Variants in TTC3 observed in about 807,000 individuals in gnomAD.
TTC3 encodes tetratricopeptide repeat domain 3.
Under a neutral mutation model 249.6 loss-of-function variants are expected in TTC3, and 180 were observed. The ratio of observed to expected loss-of-function variants is 0.72; its 90% CI spans 0.64 to 0.82. The LOEUF (loss-of-function observed/expected upper bound fraction) is 0.82. Ranked by LOEUF, TTC3 falls within the 40% of genes least tolerant of loss-of-function variation. The pLI, the probability that TTC3 is intolerant of heterozygous loss-of-function variation, is 0.00. For missense variants in TTC3, 2,061 were observed against 2,398.4 expected (o/e 0.86, Z 2.94); for synonymous variants, 717 against 805.0 (o/e 0.89, Z 1.85).
chr21:37,178,912 G>T (rs1009087749), intron 35 of TTC3, among the ~76,000 whole-genome samples: 3 of 151,876 alleles, frequency 2.0e-5, no homozygotes, highest in African/African-American at 7.3e-5. Context: ...AGTGAGCCAG[G>T]ATCATGCCAT....
chr21:37,189,335 T>A (rs1430193174), intron 39 of TTC3, among the ~76,000 whole-genome samples: 1 of 152,120 alleles, frequency 6.6e-6, no homozygotes, highest in Non-Finnish European at 1.5e-5. Context: ...AACCTCTGCC[T>A]CCTGGGTTCA....
intron 10 of TTC3, among the ~76,000 whole-genome samples, chr21:37,097,627 T>C (rs1338867918): frequency 6.6e-6 from 1 of 152,228 alleles, no homozygotes; most frequent in Admixed American, 6.5e-5. Flanking sequence ...GAAACAGTTT[T>C]CCTAGTATTT....
intron 27 of TTC3, among the ~76,000 whole-genome samples, chr21:37,155,646 G>A (rs879446688): frequency 8.5e-5 from 13 of 152,202 alleles, no homozygotes; most frequent in Non-Finnish European, 1.2e-4. Context: ...AGAAGTGACC[G>A]TTTTATATTA....
intron 14 of TTC3, 42 bp from the exon 15 acceptor site, chr21:37,126,038 G>GTT: frequency 4.4e-6 from 6 of 1,358,952 alleles, no homozygotes; most frequent in Admixed American, 2.0e-5. Context: ...TCATGGCTGG[G>GTT]TTGTTTTTTT....
chr21:37,139,052 T>A (rs1245384827), intron 19 of TTC3, among the ~76,000 whole-genome samples: 1 of 152,136 alleles, frequency 6.6e-6, no homozygotes, highest in Non-Finnish European at 1.5e-5. Flanking sequence ...AAAACATACA[T>A]AACAGTACTA....
At chr21:37,188,081 A>AG (rs11457028) in intron 38 of TTC3, 153,111 of 153,114 alleles carry the variant, frequency 1, 76,554 homozygotes, top group Middle Eastern at 1. Flanking sequence ...CATACCCCGA[A>AG]GCTTTTGATG....
chr21:37,135,827 TC>T (rs2077881372), intron 18 of TTC3, among the ~76,000 whole-genome samples: 3 of 152,234 alleles, frequency 2.0e-5, no homozygotes, highest in Non-Finnish European at 4.4e-5. Flanking sequence ...CAGGCACACC[TC>T]GTTTCATTAT....
At chr21:37,093,819 GTTTAT>G (rs2073607420) in intron 7 of TTC3, among the ~76,000 whole-genome samples, 181 bp from the exon 8 acceptor site, 1 of 152,046 alleles carries the variant, frequency 6.6e-6, no homozygotes, top group Non-Finnish European at 1.5e-5. Flanking sequence ...CATTTTATCA[GTTTAT>G]TTTTTTACTG....
At chr21:37,089,195 G>T (rs2072921811) in intron 5 of TTC3, among the ~76,000 whole-genome samples, 1 of 152,192 alleles carries the variant, frequency 6.6e-6, no homozygotes, top group Non-Finnish European at 1.5e-5. Flanking sequence ...TGAAAGTGAT[G>T]TGCTCTATCT....
chr21:37,124,133 T>TTTTTG lies in TTC3; in HGVS notation c.1110-484_1110-483insTTGTT, dbSNP rs2076860661. Reference sequence around the variant, plus strand: ...TGTTCTTTTTTTTTTTTTTTTTTTTTTTGAGACAGTCTCCCTCTGTCACCT... The same window carrying TTTTTG: ...TGTTCTTTTTTTTTTTTTTTTTTTTTTTTTGTTGAGACAGTCTCCCTCTGTCACCT... On this transcript the variant is annotated intron_variant, in intron 13 of 45. Transcript: ENST00000355666. Among the ~76,000 whole-genome samples, 3 of 141,432 alleles carry TTTTTG rather than the reference T, an allele frequency of 2.1e-5. No individual in the cohort carries two copies. The South Asian group carries it at 7.0e-4, about 33-fold the overall frequency. The allele number at this position is 141,432 out of a possible 152,430, so 92.8% of individuals were successfully genotyped here. A position where few individuals can be genotyped will look rare whatever the true frequency, so the allele number is the denominator to read the frequency against.
chr21:37,114,163 G>C (rs2075920832), intron 11 of TTC3, among the ~76,000 whole-genome samples: 1 of 152,068 alleles, frequency 6.6e-6, no homozygotes, highest in Non-Finnish European at 1.5e-5. Context: ...AAAAGCAATG[G>C]CAACAAAAGC....
intron 3 of TTC3, 43 bp downstream of exon 3, chr21:37,087,918 A>G (rs1291243742): frequency 2.8e-6 from 4 of 1,453,530 alleles, no homozygotes; most frequent in Non-Finnish European, 3.8e-6. Context: ...TGGAAAGACT[A>G]CAAAGGGAGG....
rs369408477 is a variant in TTC3, at chr21:37,167,636, A to T, written c.4467+16A>T. 1 of 1,597,072 alleles carries T rather than the reference A, an allele frequency of 6.3e-7. No individual in the cohort carries two copies. Among genetic ancestry groups the T allele is most frequent in the South Asian group, 1.1e-5 (1 of 90,156 alleles). On this transcript the variant is annotated intron_variant, in intron 34 of 45. Coordinates refer to ENST00000355666, the Ensembl canonical transcript of TTC3. ...GGAACGACAAGTGAGTCAAAATTAC[A>T]TTAAACTGTTTAAAGGTTTAGTTTT... is the stretch of plus-strand genomic sequence containing the variant.
rs755404943 is a variant in TTC3, at chr21:37,165,600, A to G, written c.3386A>G (p.Lys1129Arg). The G allele has an allele frequency of 1.9e-6, 3 of 1,613,588 alleles. No individual in the cohort carries two copies. In the South Asian group the frequency reaches 3.3e-5, roughly 18 times the overall value. The change falls in exon 33 of 46, where the codon AAG (lysine) becomes AGG (arginine). Residue 1129 changes from lysine (K) to arginine (R), a missense_variant. Physicochemically the swap from Lys to Arg is conservative, Grantham distance 26. Around this residue, in one of 3 missense-constraint regions of TTC3, gnomAD observed 1,040 missense variants for 1,186.1 expected, o/e 0.88. Transcript: ENST00000355666. ...CATGGTCCCTTGGACATGAGTAACAAGATGTTCTCTGCAGAATATGAGTTT... is the reference window on the plus strand; with the variant it reads ...CATGGTCCCTTGGACATGAGTAACAGGATGTTCTCTGCAGAATATGAGTTT...
chr21:37,166,550 G>C (rs1158617890), exon 33 of TTC3: 1 of 1,614,078 alleles, frequency 6.2e-7, no homozygotes, highest in African/African-American at 1.3e-5. Flanking sequence ...CAACAAATGT[G>C]AAGTAATTCC....
chr21:37,084,853 C>T (rs749070733), intron 1 of TTC3, among the ~76,000 whole-genome samples: 14 of 152,050 alleles, frequency 9.2e-5, no homozygotes, highest in Non-Finnish European at 1.6e-4. Context: ...ATTAGCTGGG[C>T]GTGGTGGTGG....
intron 11 of TTC3, among the ~76,000 whole-genome samples, chr21:37,109,823 A>C (rs1415657181): frequency 6.6e-6 from 1 of 152,230 alleles, no homozygotes; most frequent in East Asian, 1.9e-4. Flanking sequence ...GTAGGGGCGG[A>C]CTGACACCTC....
chr21:37,080,627 T>C (rs891132234), intron 1 of TTC3, among the ~76,000 whole-genome samples: 1 of 152,214 alleles, frequency 6.6e-6, no homozygotes, highest in African/African-American at 2.4e-5. Context: ...TTTGTTCTTC[T>C]GTATTTTGAG....
chr21:37,102,978 T>TA (rs2074663330), intron 10 of TTC3, among the ~76,000 whole-genome samples: 1 of 152,046 alleles, frequency 6.6e-6, no homozygotes, highest in Non-Finnish European at 1.5e-5. Flanking sequence ...GCCTGGGCGA[T>TA]AGAGTGAGAC....
Sources: gnomAD v4.1 joint callset for allele counts (sites outside exome capture counted in the v4.1 genomes callset) on GRCh38, gnomAD v4.1.1 for gene constraint, gnomAD v4.1.1 regional missense constraint, MANE v1.5 for transcripts, NCBI Gene and HGNC (gene_info 2026-07-23, HGNC 2026-07-21) for gene names.